The following SLC1A1 variants were observed in gnomAD, a reference collection of about 807,000 sequenced individuals.
The protein encoded by SLC1A1 is solute carrier family 1 member 1, also known as excitatory amino acid transporter 3.
A neutral mutation model predicts 53.3 loss-of-function variants in SLC1A1; 43 were observed. That is an observed-to-expected ratio of 0.81 (90% CI 0.63 to 1.04). The LOEUF (loss-of-function observed/expected upper bound fraction) is 1.04, where lower values mean the gene tolerates loss of function less well. Ranked by LOEUF, SLC1A1 falls within the 50% of genes least tolerant of loss-of-function variation. The pLI is 0.00. For synonymous variants in SLC1A1, 307 were observed against 243.2 expected (o/e 1.26, Z -2.44); for missense variants, 748 against 664.9 (o/e 1.12, Z -1.37).
chr9:4,519,627 G>T (rs1395325130), intron 1 of SLC1A1, among the ~76,000 whole-genome samples: 1 of 152,158 alleles, frequency 6.6e-6, no homozygotes, highest in Non-Finnish European at 1.5e-5. Flanking sequence ...TAAGTCCTGT[G>T]CATTCATTAT....
intron 2 of SLC1A1, among the ~76,000 whole-genome samples, chr9:4,551,858 G>A (rs1379023162): frequency 6.6e-6 from 1 of 152,174 alleles, no homozygotes; most frequent in East Asian, 1.9e-4. Flanking sequence ...TGAAGCCAAA[G>A]GACTTATTGT....
intron 2 of SLC1A1, among the ~76,000 whole-genome samples, chr9:4,560,766 G>A (rs1356564910): frequency 1.3e-5 from 2 of 151,964 alleles, no homozygotes; most frequent in African/African-American, 2.4e-5. Flanking sequence ...GGAGGCCAAG[G>A]TTGTGGATCA....
chr9:4,534,189 A>T (rs1335509050), intron 1 of SLC1A1, among the ~76,000 whole-genome samples: 1 of 152,208 alleles, frequency 6.6e-6, no homozygotes, highest in Admixed American at 6.5e-5. Flanking sequence ...AGCTAGCAGA[A>T]GGCAAGAAAT....
At chr9:4,498,087 T>C (rs1820501334) in intron 1 of SLC1A1, among the ~76,000 whole-genome samples, 1 of 152,120 alleles carries the variant, frequency 6.6e-6, no homozygotes, top group African/African-American at 2.4e-5. Context: ...CCTCTGAGAG[T>C]CCTTCTAGCT....
chr9:4,575,073 G>A (rs1353217355), intron 8 of SLC1A1, among the ~76,000 whole-genome samples: 1 of 152,184 alleles, frequency 6.6e-6, no homozygotes, highest in Non-Finnish European at 1.5e-5. Flanking sequence ...TTTCATAACC[G>A]AGTTCTGCTG....
intron 8 of SLC1A1, among the ~76,000 whole-genome samples, chr9:4,575,261 C>A (rs1207624196): frequency 2.6e-5 from 4 of 152,172 alleles, no homozygotes; most frequent in Non-Finnish European, 5.9e-5. Context: ...CTCTAAGCTG[C>A]CAGTTACATA....
rs1228297089 is a variant in SLC1A1, at chr9:4,553,051, G to C, written c.232+8344G>C. ...TAGAAGTCCGAGATACCAATTTTAT[G>C]GATAAAGAGAAGCAAAGAGACAGCT... On this transcript the variant is annotated intron_variant, in intron 2 of 11. Coordinates refer to ENST00000262352, the MANE Select transcript of SLC1A1 (RefSeq NM_004170.6). 2.0e-5 allele frequency among the ~76,000 whole-genome samples: 3 copies of C among 152,024 alleles called. No individual in the cohort carries two copies. The East Asian group carries it at 5.8e-4, about 29-fold the overall frequency.
At position 4,529,323 on chromosome 9, in the gene SLC1A1, C is replaced by A. The variant is rs574962354; in HGVS notation, c.92-15244C>A. The stretch of plus-strand genomic sequence containing the variant: ...TACATCTACCTAATTATGGGCCACA[C>A]TGAATTGCTTGAAGCTGTTTAAATG... On this transcript the variant is annotated intron_variant, in intron 1 of 11. Transcript: ENST00000262352. Among the ~76,000 whole-genome samples the A allele has an allele frequency of 8.5e-5, 13 of 152,316 alleles. No homozygotes were observed. In the South Asian group the frequency reaches 1.9e-3, roughly 22 times the overall value.
chr9:4,581,641 A>C (rs1821108176), intron 10 of SLC1A1, among the ~76,000 whole-genome samples: 1 of 152,206 alleles, frequency 6.6e-6, no homozygotes, highest in Admixed American at 6.5e-5. Context: ...ATTTTTTTCA[A>C]CCAGCATTAA....
At chr9:4,528,421 A>G (rs1816342478) in intron 1 of SLC1A1, among the ~76,000 whole-genome samples, 1 of 151,676 alleles carries the variant, frequency 6.6e-6, no homozygotes, top group African/African-American at 2.4e-5. Context: ...AAATACAAAA[A>G]CAAAATTAGC....
At chr9:4,585,150 C>T (rs1380107877) in intron 11 of SLC1A1, among the ~76,000 whole-genome samples, 162 bp from the exon 12 acceptor site, 1 of 152,196 alleles carries the variant, frequency 6.6e-6, no homozygotes, top group Non-Finnish European at 1.5e-5. Context: ...CCTTTATGAA[C>T]AACCCCAGGC....
intron 8 of SLC1A1, among the ~76,000 whole-genome samples, chr9:4,575,129 A>T (rs1368337427): frequency 6.6e-6 from 1 of 152,220 alleles, no homozygotes; most frequent in Non-Finnish European, 1.5e-5. Flanking sequence ...GGAAACTAAA[A>T]GTCAGTTCCT....
In SLC1A1 at chr9:4,583,107, T is replaced by G; in HGVS notation, c.1263T>G (p.Ile421Met). 1 of 1,614,216 alleles carries G rather than the reference T, an allele frequency of 6.2e-7. No individual in the cohort carries two copies. The highest frequency in any genetic ancestry group is 8.5e-7 in the Non-Finnish European group (1 of 1,180,042). ...VPQAGLVTMV[I>M]VLSAVGLPAE... is the part of the protein sequence containing the mutation. ...AGGCTGGCCTGGTGACCATGGTGAT[T>G]GTGCTGAGTGCCGTGGGCCTGCCCG... is the stretch of plus-strand genomic sequence containing the variant. Residue 421 changes from isoleucine (I) to methionine (M), a missense_variant, in exon 11 of 12, where the codon ATT becomes ATG. Ile to Met is a conservative substitution (Grantham distance 10). Transcript: ENST00000262352. This position sits in a 1 kb window ranked among gnomAD's most constrained non-coding sequence, Gnocchi z 4.6.
intron 1 of SLC1A1, among the ~76,000 whole-genome samples, chr9:4,528,257 C>A (rs1221829478): frequency 6.6e-6 from 1 of 151,050 alleles, no homozygotes; most frequent in East Asian, 2.0e-4. Context: ...TCTTGGAGGA[C>A]TGGAGTTTGA....
At chr9:4,534,109 A>G (rs573551993) in intron 1 of SLC1A1, among the ~76,000 whole-genome samples, 12 of 152,326 alleles carry the variant, frequency 7.9e-5, no homozygotes, top group East Asian at 7.7e-4. Flanking sequence ...AGAAAGCAGG[A>G]AAGATCTAAA....
At chr9:4,526,500 C>G (rs944205652) in intron 1 of SLC1A1, among the ~76,000 whole-genome samples, 4 of 152,110 alleles carry the variant, frequency 2.6e-5, no homozygotes, top group Non-Finnish European at 5.9e-5. Context: ...AAGTGATTAT[C>G]TAATCTATCT....
chr9:4,521,981 T>C (rs1816089883), intron 1 of SLC1A1, among the ~76,000 whole-genome samples: 1 of 151,876 alleles, frequency 6.6e-6, no homozygotes, highest in Non-Finnish European at 1.5e-5. Context: ...TGGATGCCCT[T>C]GCTAGGCCCA....
rs756146188 is a variant in SLC1A1, at chr9:4,567,703, G to C, written c.518G>C (p.Ser173Thr). 6.2e-7 allele frequency: 1 copy of C among 1,613,474 alleles called. No homozygotes were observed. The highest frequency in any genetic ancestry group is 1.1e-5 in the South Asian group (1 of 90,952). Residue 173 changes from serine (S) to threonine (T), a missense_variant, in exon 6 of 12, where the codon AGC (serine) becomes ACC (threonine). Ser to Thr is a moderately conservative substitution (Grantham distance 58). Coordinates refer to ENST00000262352, the MANE Select transcript of SLC1A1 (RefSeq NM_004170.6). Reference sequence around the variant, plus strand: ...AAGCGTGAAGAAGTGAAGCCTCCCAGCGATCCAGAGATGAACATGACAGAA... The same window carrying C: ...AAGCGTGAAGAAGTGAAGCCTCCCACCGATCCAGAGATGAACATGACAGAA... ...KTKREEVKPP[S>T]DPEMNMTEES...
chr9:4,512,728 A>G (rs907414856), intron 1 of SLC1A1, among the ~76,000 whole-genome samples: 2 of 152,206 alleles, frequency 1.3e-5, no homozygotes, highest in Non-Finnish European at 2.9e-5. Context: ...CAGAGATTCC[A>G]GAAATAGACC....
Sources: allele counts gnomAD v4.1 joint callset (sites outside exome capture counted in the v4.1 genomes callset), GRCh38; gene constraint gnomAD v4.1.1; non-coding constraint Gnocchi (gnomAD v3.1); transcripts MANE v1.5; gene names NCBI Gene and HGNC (gene_info 2026-07-23, HGNC 2026-07-21).